The following R3HDM2 variants were observed in gnomAD, a reference collection of about 807,000 sequenced individuals.
R3HDM2 encodes R3H domain-containing protein 2.
Under a neutral mutation model 124.5 loss-of-function variants are expected in R3HDM2, and 38 were observed. The ratio of observed to expected loss-of-function variants is 0.31; its 90% CI spans 0.24 to 0.40. The LOEUF (loss-of-function observed/expected upper bound fraction) is 0.40, where lower values mean the gene tolerates loss of function less well. Among genes scored for constraint, R3HDM2 ranks in the 10% least tolerant of loss-of-function variants. R3HDM2 has a pLI of 1.00. For synonymous variants in R3HDM2, 391 were observed against 448.0 expected, an observed-to-expected ratio of 0.87 and a Z score of 1.61; for missense variants, 869 against 1,236.9, an observed-to-expected ratio of 0.70 and a Z score of 4.46.
In R3HDM2 at chr12:57,345,332, T is replaced by A. The variant is rs531911528; in HGVS notation, c.-35-34869A>T. 3.9e-5 allele frequency among the ~76,000 whole-genome samples: 6 copies of A among 152,140 alleles called. No homozygotes were observed. In the South Asian group the frequency reaches 1.2e-3, roughly 32 times the overall value. ...AAACCAACAGATTCAAGAAGCTCAG[T>A]AATTGCCCCAAACAGGATAAACACA... On this transcript the variant is annotated intron_variant, in intron 2 of 23. Coordinates refer to ENST00000402412, the MANE Select transcript of R3HDM2 (RefSeq NM_001394031.1).
rs1449415658 is a variant in R3HDM2 at position 57,253,769 on chromosome 12, T to C, written c.*1004A>G. The stretch of plus-strand genomic sequence containing the variant: ...CAGAGAAACAGTGACTGATGTCCAG[T>C]GACAGATTTTTTTTTTTATATTTAA... On this transcript the variant is annotated 3_prime_UTR_variant, in exon 24 of 24. Transcript: ENST00000402412. 5.2e-6 allele frequency: 1 copy of C among 193,734 alleles called. No homozygotes were observed. Among genetic ancestry groups the C allele is most frequent in the Non-Finnish European group, 1.0e-5 (1 of 97,240 alleles). The allele number at this position is 193,734 out of a possible 1,614,324, so 12.0% of individuals were successfully genotyped here.
At chr12:57,338,163 C>A (rs2059109127) in intron 2 of R3HDM2, among the ~76,000 whole-genome samples, 1 of 152,096 alleles carries the variant, frequency 6.6e-6, no homozygotes, top group Non-Finnish European at 1.5e-5. Context: ...ATTATCCGGG[C>A]ATGGTGGCGC....
At chr12:57,407,017 G>A (rs2068581542) in intron 1 of R3HDM2, among the ~76,000 whole-genome samples, 1 of 152,156 alleles carries the variant, frequency 6.6e-6, no homozygotes, top group Non-Finnish European at 1.5e-5. Flanking sequence ...GAGAGGCCAA[G>A]GCGGGCGGAT....
chr12:57,418,266 C>G (rs2069842320), intron 1 of R3HDM2: 1 of 985,310 alleles, frequency 1.0e-6, no homozygotes, highest in Non-Finnish European at 1.2e-6. Flanking sequence ...TCACATTCAT[C>G]TGCTCTTTTC....
At chr12:57,395,846 C>T (rs948517559) in intron 1 of R3HDM2, 28 bp from the exon 2 acceptor site, 2 of 934,270 alleles carry the variant, frequency 2.1e-6, no homozygotes, top group African/African-American at 1.8e-5. Context: ...AAAAAAAAAA[C>T]AAGTTAAAAG....
chr12:57,327,337 G>A (rs889874287), intron 2 of R3HDM2, among the ~76,000 whole-genome samples: 4 of 151,848 alleles, frequency 2.6e-5, no homozygotes, highest in Non-Finnish European at 5.9e-5. Context: ...CATGGTGGTG[G>A]GGGCCTGTAA....
chr12:57,414,603 G>C (rs1003630626), intron 1 of R3HDM2, among the ~76,000 whole-genome samples: 6 of 150,692 alleles, frequency 4.0e-5, no homozygotes, highest in Admixed American at 1.3e-4. Context: ...GGCCGAGGCA[G>C]AGAGATCAGC....
intron 2 of R3HDM2, among the ~76,000 whole-genome samples, chr12:57,386,352 G>A (rs1490584035): frequency 2.0e-5 from 3 of 152,262 alleles, no homozygotes; most frequent in African/African-American, 4.8e-5. Flanking sequence ...CATGGCGCTT[G>A]CGGGCCAGCA....
At chr12:57,256,562 A>G in intron 21 of R3HDM2, 51 bp from the exon 22 acceptor site, 1 of 1,383,872 alleles carries the variant, frequency 7.2e-7, no homozygotes, top group Non-Finnish European at 9.9e-7. Context: ...TCATAGTATG[A>G]CTTTTATAAG....
At chr12:57,297,805 C>T (rs1204976630) in intron 7 of R3HDM2, 16 of 417,582 alleles carry the variant, frequency 3.8e-5, no homozygotes, top group Non-Finnish European at 5.1e-5. Flanking sequence ...TACTATCACT[C>T]CCAATGTGTG....
chr12:57,375,295 T>C (rs888355358), intron 2 of R3HDM2, among the ~76,000 whole-genome samples: 3 of 152,166 alleles, frequency 2.0e-5, no homozygotes, highest in African/African-American at 4.8e-5. Context: ...CCTATAAAAG[T>C]ATAATATAGA....
intron 2 of R3HDM2, among the ~76,000 whole-genome samples, chr12:57,314,982 C>T (rs2139227614): frequency 6.6e-6 from 1 of 152,190 alleles, no homozygotes; most frequent in Non-Finnish European, 1.5e-5. Flanking sequence ...TCTCAGCCTC[C>T]CAAGTAGCTG....
intron 1 of R3HDM2, among the ~76,000 whole-genome samples, chr12:57,413,680 G>A (rs2069231692): frequency 6.6e-6 from 1 of 151,486 alleles, no homozygotes; most frequent in African/African-American, 2.4e-5. Context: ...AGGCTGCAAT[G>A]AGCCGAGATC....
At chr12:57,419,386 GC>G (rs766655827) in intron 1 of R3HDM2, among the ~76,000 whole-genome samples, 1 of 151,198 alleles carries the variant, frequency 6.6e-6, no homozygotes, top group Non-Finnish European at 1.5e-5. Flanking sequence ...CTCATGATCT[GC>G]CCGCCTCAGC....
At chr12:57,388,287 G>A (rs2066155791) in intron 2 of R3HDM2, among the ~76,000 whole-genome samples, 2 of 152,174 alleles carry the variant, frequency 1.3e-5, no homozygotes, top group South Asian at 2.1e-4. Context: ...TATTTAAAGG[G>A]ATAAAGAAGA....
At chr12:57,383,334 G>A (rs889126607) in intron 2 of R3HDM2, among the ~76,000 whole-genome samples, 1 of 152,108 alleles carries the variant, frequency 6.6e-6, no homozygotes, top group Non-Finnish European at 1.5e-5. Flanking sequence ...ATAAAGGTTA[G>A]CTATTATTTT....
chr12:57,427,984 G>A (rs1358667039), intron 1 of R3HDM2, among the ~76,000 whole-genome samples: 1 of 151,996 alleles, frequency 6.6e-6, no homozygotes, highest in Non-Finnish European at 1.5e-5. Flanking sequence ...GCCAGGCATG[G>A]TGGCAGGCAC....
Position 57,253,947 on chromosome 12 carries a change from G to A in R3HDM2, c.*826C>T, listed in dbSNP as rs990756610. ...CGAACCTCAAACAAACAATATACAA[G>A]TGTTCTGGGGGGGCCAGGGGAATCC... On this transcript the variant is annotated 3_prime_UTR_variant, in exon 24 of 24. Transcript: ENST00000402412. 3.0e-6 allele frequency: 1 copy of A among 331,446 alleles called. No homozygotes were observed. Among genetic ancestry groups the A allele is most frequent in the Non-Finnish European group, 5.7e-6 (1 of 175,570 alleles). 20.5% of individuals were successfully genotyped at this position (331,446 alleles called of 1,614,324 possible).
At chr12:57,325,223 A>T (rs1410211156) in intron 2 of R3HDM2, among the ~76,000 whole-genome samples, 2 of 151,822 alleles carry the variant, frequency 1.3e-5, no homozygotes, top group African/African-American at 2.4e-5. Flanking sequence ...GCTCACTACA[A>T]CCTCCACCTC....
Sources: allele counts gnomAD v4.1 joint callset (sites outside exome capture counted in the v4.1 genomes callset), GRCh38; gene constraint gnomAD v4.1.1; transcripts MANE v1.5; gene names NCBI Gene and HGNC (gene_info 2026-07-23, HGNC 2026-07-21).